Variants in DRC1 observed in about 807,000 individuals in gnomAD.
DRC1 encodes the protein dynein regulatory complex subunit 1, also known as dynein regulatory complex protein 1.
In DRC1, 74 loss-of-function variants were observed where a neutral mutation model predicts 98.7. That is an observed-to-expected ratio of 0.75 (90% CI 0.62 to 0.91). The LOEUF is 0.91. Among genes scored for constraint, DRC1 ranks in the 40% least tolerant of loss-of-function variants. The pLI, the probability that DRC1 is intolerant of heterozygous loss-of-function variation, is 0.00. For synonymous variants in DRC1, 336 were observed against 334.1 expected, an observed-to-expected ratio of 1.01 and a Z score of -0.06; for missense variants, 875 against 886.0, an observed-to-expected ratio of 0.99 and a Z score of 0.16.
At position 26,424,331 on chromosome 2, in the gene DRC1, A is replaced by C. The variant is rs766148610; in HGVS notation, c.417A>C (p.Ser139=). ...TSQDKFDEIT[S]KWEEGKQKRI... The stretch of plus-strand genomic sequence containing the variant: ...AGGACAAATTCGATGAAATCACCTC[A>C]AAGTGGGAAGAGGGCAAGCAGAAGA... The change falls in exon 4 of 17, where the codon TCA becomes TCC. Residue 139 remains serine (S), a synonymous_variant. Coordinates refer to ENST00000288710, the MANE Select transcript of DRC1 (RefSeq NM_145038.5). The C allele has an allele frequency of 6.2e-7, 1 of 1,613,982 alleles. No individual in the cohort carries two copies. Among genetic ancestry groups the C allele is most frequent in the Non-Finnish European group, 8.5e-7 (1 of 1,180,002 alleles).
At position 26,408,631 on chromosome 2, in the gene DRC1, C is replaced by T. The variant is rs79693978; in HGVS notation, c.156-5713C>T. ...CTACTAAAAATATGAAAATTAGCGG[C>T]GTGGTGGTGCATGCCTGTAATCCCA... On this transcript the variant is annotated intron_variant, in intron 1 of 16. Coordinates refer to ENST00000288710, the MANE Select transcript of DRC1 (RefSeq NM_145038.5). Among the ~76,000 whole-genome samples, 1,015 of 152,080 alleles carry T rather than the reference C, an allele frequency of 6.7e-3. 66 individuals are homozygous for T. The East Asian group carries it at 0.16, about 24-fold the overall frequency.
chr2:26,403,367 C>A (rs1184303536), intron 1 of DRC1, among the ~76,000 whole-genome samples: 1 of 152,126 alleles, frequency 6.6e-6, no homozygotes, highest in Non-Finnish European at 1.5e-5. Flanking sequence ...GACACGAGCC[C>A]ACCAGTATAG....
At chr2:26,435,432 T>C (rs1477536101) in intron 7 of DRC1, among the ~76,000 whole-genome samples, 1 of 152,222 alleles carries the variant, frequency 6.6e-6, no homozygotes, top group Non-Finnish European at 1.5e-5. Context: ...TTTTAACTTT[T>C]ATTTTAGGTT....
intron 4 of DRC1, among the ~76,000 whole-genome samples, chr2:26,428,691 G>A (rs765750807): frequency 3.3e-5 from 5 of 152,072 alleles, no homozygotes; most frequent in African/African-American, 7.2e-5. Context: ...CCAGCTACCC[G>A]GGAGGCTGGG....
In DRC1 at chr2:26,454,693, T is replaced by A. The variant is rs1165210279; in HGVS notation, c.1966T>A (p.Ser656Thr). 4 of 1,613,934 alleles carry A rather than the reference T, an allele frequency of 2.5e-6. No individual in the cohort carries two copies. Among genetic ancestry groups the A allele is most frequent in the Admixed American group, 1.7e-5 (1 of 59,994 alleles). The change falls in exon 15 of 17, where the codon TCC becomes ACC. Residue 656 changes from serine to threonine, a missense_variant. Coordinates refer to ENST00000288710, the MANE Select transcript of DRC1 (RefSeq NM_145038.5). The surrounding 1 kb of genome is among the most constrained non-coding windows in gnomAD (Gnocchi z 5.2). ...GGTACAGAAGAATGTGCGTGACAAC[T>A]CCAAGGACTCGGAGTACTGGCAGGC... ...LRVQKNVRDNSKDSEYWQALT... is the reference protein window; with the variant it reads ...LRVQKNVRDNTKDSEYWQALT...
chr2:26,439,936 T>TATACAC (rs548209014), intron 7 of DRC1, among the ~76,000 whole-genome samples: 2 of 75,502 alleles, frequency 2.6e-5, no homozygotes, highest in Admixed American at 2.2e-4. Context: ...TATATATATA[T>TATACAC]ACACACACAC....
At chr2:26,436,155 G>A (rs1663566399) in intron 7 of DRC1, among the ~76,000 whole-genome samples, 1 of 149,844 alleles carries the variant, frequency 6.7e-6, no homozygotes, top group Non-Finnish European at 1.5e-5. Context: ...TTTAATAATA[G>A]CCATTCTGAC....
chr2:26,452,637 A>G lies in DRC1; in HGVS notation c.1690-683A>G, dbSNP rs148805777. 3.5e-3 allele frequency among the ~76,000 whole-genome samples: 530 copies of G among 152,322 alleles called. 18 individuals are homozygous for G. In the South Asian group the frequency reaches 0.079, roughly 23 times the overall value. ...AATGGCAGAAGATTCGAAACAACCT[A>G]TATGTCCATTGTTGAGGAATCTATT... On this transcript the variant is annotated intron_variant, in intron 13 of 16. Transcript: ENST00000288710.
chr2:26,448,021 T>C, intron 10 of DRC1, among the ~76,000 whole-genome samples: 1 of 150,296 alleles, frequency 6.7e-6, no homozygotes, highest in East Asian at 2.0e-4. Context: ...GTTCAGGAGT[T>C]CGAGACCAGC....
intron 1 of DRC1, among the ~76,000 whole-genome samples, chr2:26,402,761 C>T (rs1171141765): frequency 1.3e-5 from 2 of 152,186 alleles, no homozygotes; most frequent in Non-Finnish European, 2.9e-5. Flanking sequence ...CATGGCAGTC[C>T]CTGGGCCTTC....
At chr2:26,452,574 G>A (rs1297683331) in intron 13 of DRC1, among the ~76,000 whole-genome samples, 1 of 152,166 alleles carries the variant, frequency 6.6e-6, no homozygotes, top group Non-Finnish European at 1.5e-5. Flanking sequence ...AGTTGAAATG[G>A]TGTATTTATT....
At chr2:26,405,653 C>CTTTTTTT (rs10601492) in intron 1 of DRC1, among the ~76,000 whole-genome samples, 47 of 53,584 alleles carry the variant, frequency 8.8e-4, no homozygotes, top group African/African-American at 2.8e-3. Flanking sequence ...AAGGCTATAT[C>CTTTTTTT]TTTTTTTTTT....
intron 3 of DRC1, 93 bp downstream of exon 3, chr2:26,421,493 A>C (rs1663140434): frequency 1.1e-6 from 1 of 923,502 alleles, no homozygotes; most frequent in Admixed American, 2.5e-5. Flanking sequence ...GACTTTGTCC[A>C]CCTTAGACAA....
chr2:26,446,994 G>A (rs983312321), intron 10 of DRC1, among the ~76,000 whole-genome samples: 22 of 152,088 alleles, frequency 1.4e-4, no homozygotes, highest in Admixed American at 1.4e-3. Context: ...GGAGGCTGAG[G>A]CAGGAGAATC....
At position 26,450,077 on chromosome 2, in the gene DRC1, ATCT is replaced by A; in HGVS notation, c.1595_1597del (p.Phe532del). On this transcript the variant is annotated inframe_deletion, in exon 12 of 17. Coordinates refer to ENST00000288710, the MANE Select transcript of DRC1 (RefSeq NM_145038.5). ...ATGCTATCTGCTGAGGCTGGATGCC[ATCT>A]TCTCCGTGAGTCCAACGGGGCTGGG... 6.2e-7 allele frequency: 1 copy of A among 1,612,998 alleles called. No homozygotes were observed. The highest frequency in any genetic ancestry group is 8.5e-7 in the Non-Finnish European group (1 of 1,179,686).
Position 26,405,939 on chromosome 2 carries a change from C to T in DRC1, c.155+3795C>T, listed in dbSNP as rs542964050. On this transcript the variant is annotated intron_variant, in intron 1 of 16. Coordinates refer to ENST00000288710, the MANE Select transcript of DRC1 (RefSeq NM_145038.5). ...CCTCCCAAAGTGCTGGGATTACAGGCGTGAGCCACTGCGCCCTGCCTCTAT... is the reference window on the plus strand; with the variant it reads ...CCTCCCAAAGTGCTGGGATTACAGGTGTGAGCCACTGCGCCCTGCCTCTAT... Among the ~76,000 whole-genome samples, 13 of 152,240 alleles carry T rather than the reference C, an allele frequency of 8.5e-5. No individual in the cohort carries two copies. The South Asian group carries it at 2.3e-3, about 27-fold the overall frequency.
At chr2:26,418,687 T>TA (rs1558438301) in intron 2 of DRC1, among the ~76,000 whole-genome samples, 30 of 88,766 alleles carry the variant, frequency 3.4e-4, no homozygotes, top group African/African-American at 1.1e-3. Flanking sequence ...ATAATTTATA[T>TA]TATATATAAA....
At chr2:26,414,545 G>C (rs1238098070) in intron 2 of DRC1, 114 bp downstream of exon 2, 1 of 888,446 alleles carries the variant, frequency 1.1e-6, no homozygotes, top group African/African-American at 1.7e-5. Flanking sequence ...TCTCTAGGCA[G>C]AACTGAATAG....
chr2:26,414,638 G>A (rs1678735947), intron 2 of DRC1, among the ~76,000 whole-genome samples: 1 of 152,222 alleles, frequency 6.6e-6, no homozygotes, highest in African/African-American at 2.4e-5. Flanking sequence ...CTCTGCTCAT[G>A]CACTTTTAAT....
Sources: allele counts gnomAD v4.1 joint callset (sites outside exome capture counted in the v4.1 genomes callset), GRCh38; gene constraint gnomAD v4.1.1; non-coding constraint Gnocchi (gnomAD v3.1); transcripts MANE v1.5; gene names NCBI Gene and HGNC (gene_info 2026-07-23, HGNC 2026-07-21).